Variants in ANKRD11 observed in about 807,000 individuals in gnomAD.
ANKRD11 encodes ankyrin repeat domain-containing protein 11.
A neutral mutation model predicts 195.7 loss-of-function variants in ANKRD11; 17 were observed. The ratio of observed to expected loss-of-function variants is 0.09; its 90% CI spans 0.06 to 0.13. ANKRD11 has a LOEUF of 0.13. ANKRD11 is among the 10% of genes least tolerant of loss of function. The pLI is 1.00. For missense variants in ANKRD11, 3,735 were observed against 3,566.1 expected (o/e 1.05, Z -1.21); for synonymous variants, 1,953 against 1,528.1 (o/e 1.28, Z -6.49).
At chr16:89,271,279 C>G (rs2033130675) in intron 11 of ANKRD11, 1 of 344,070 alleles carries the variant, frequency 2.9e-6, no homozygotes, top group Admixed American at 4.1e-5. Context: ...CGCTTGTTGC[C>G]CAGGCTGGAG....
chr16:89,280,823 G>A lies in ANKRD11; in HGVS notation c.5719C>T (p.Leu1907Phe), dbSNP rs1022384740. Reference sequence around the variant, plus strand: ...TCGGAGGTGTCCAGGTCCGGGGGAAGGGCCCCTTCGAGGGAAGGAACCAGC... The same window carrying A: ...TCGGAGGTGTCCAGGTCCGGGGGAAAGGCCCCTTCGAGGGAAGGAACCAGC... ...ELLVPSLEGA[L>F]PPDLDTSEDQ... Residue 1907 changes from leucine (L) to phenylalanine (F), a missense_variant, in exon 9 of 13, where the codon CTT (leucine) becomes TTT (phenylalanine). Leu to Phe is a conservative substitution (Grantham distance 22). Transcript: ENST00000301030. 1.2e-6 allele frequency: 2 copies of A among 1,602,112 alleles called. No homozygotes were observed. Among genetic ancestry groups the A allele is most frequent in the Non-Finnish European group, 1.7e-6 (2 of 1,170,946 alleles).
At chr16:89,489,285 G>A (rs1189016029) in intron 1 of ANKRD11, 2 of 152,248 alleles carry the variant, frequency 1.3e-5, no homozygotes, top group Non-Finnish European at 2.9e-5. Flanking sequence ...GCCCTGCCAG[G>A]GGATGATGAA....
intron 11 of ANKRD11, chr16:89,271,233 A>T: frequency 5.6e-6 from 2 of 355,708 alleles, no homozygotes; most frequent in Non-Finnish European, 1.0e-5. Flanking sequence ...AACTCCTGGG[A>T]GAGACTTTTT....
intron 11 of ANKRD11, 138 bp downstream of exon 11, chr16:89,274,676 C>T: frequency 1.5e-6 from 2 of 1,311,774 alleles, no homozygotes; most frequent in South Asian, 1.2e-5. Context: ...TAGAGGCATG[C>T]AAAGGACTCT....
chr16:89,280,353 C>G lies in ANKRD11; in HGVS notation c.6189G>C (p.Glu2063Asp), dbSNP rs758335433. ...GTGACTTGCAGTTGCTGAAGAAGGA[C>G]TCCAGCCCGGAGGGAGGGGCGTAGG... ...AAPYAPPSGL[E>D]SFFSNCKSLP... is the part of the protein sequence containing the mutation. Residue 2063 changes from glutamate to aspartate, a missense_variant, in exon 9 of 13, where the codon GAG (glutamate) becomes GAC (aspartate). Transcript: ENST00000301030. 13 of 1,572,926 alleles carry G rather than the reference C, an allele frequency of 8.3e-6. No homozygotes were observed. Among genetic ancestry groups the G allele is most frequent in the Non-Finnish European group, 1.1e-5 (13 of 1,159,748 alleles).
chr16:89,433,260 G>A (rs893606292), intron 1 of ANKRD11, among the ~76,000 whole-genome samples: 2 of 152,194 alleles, frequency 1.3e-5, no homozygotes, highest in Non-Finnish European at 2.9e-5. Flanking sequence ...ATGACTGGCC[G>A]GATCCTTTGG....
intron 2 of ANKRD11, among the ~76,000 whole-genome samples, chr16:89,334,160 A>C (rs1252997013): frequency 5.0e-5 from 7 of 141,074 alleles, no homozygotes; most frequent in East Asian, 2.2e-4. Flanking sequence ...AAAAAAAAAA[A>C]AAAAAAAAAA....
chr16:89,482,767 G>A (rs935871955), intron 1 of ANKRD11, among the ~76,000 whole-genome samples: 1 of 152,190 alleles, frequency 6.6e-6, no homozygotes, highest in African/African-American at 2.4e-5. Context: ...ACTCCAGCCT[G>A]GGCAACAGAG....
At chr16:89,476,374 C>T (rs1169308798) in intron 1 of ANKRD11, among the ~76,000 whole-genome samples, 2 of 152,176 alleles carry the variant, frequency 1.3e-5, no homozygotes, top group East Asian at 1.9e-4. Flanking sequence ...TTAACGTGTC[C>T]TATTATCCTC....
intron 1 of ANKRD11, among the ~76,000 whole-genome samples, chr16:89,465,998 C>T (rs2152341789): frequency 6.6e-6 from 1 of 152,284 alleles, no homozygotes; most frequent in Non-Finnish European, 1.5e-5. Context: ...GCGTGAGCCA[C>T]CGCGCCTGGC....
intron 2 of ANKRD11, among the ~76,000 whole-genome samples, chr16:89,346,183 G>C (rs1597727769): frequency 6.6e-6 from 1 of 150,956 alleles, no homozygotes; most frequent in East Asian, 1.9e-4. Flanking sequence ...CAGGAGGTGA[G>C]GTTGTAATGA....
intron 2 of ANKRD11, among the ~76,000 whole-genome samples, chr16:89,351,737 G>A (rs2039229421): frequency 6.6e-6 from 1 of 152,218 alleles, no homozygotes. Flanking sequence ...GGACGCAGAG[G>A]CTGCAGGGGG....
intron 1 of ANKRD11, among the ~76,000 whole-genome samples, chr16:89,419,467 A>G (rs1567779329): frequency 6.6e-6 from 1 of 151,608 alleles, no homozygotes; most frequent in Non-Finnish European, 1.5e-5. Context: ...AAAAAAAAAA[A>G]GGCAGCTGAA....
intron 1 of ANKRD11, among the ~76,000 whole-genome samples, chr16:89,441,561 A>G (rs1276618871): frequency 6.6e-6 from 1 of 152,024 alleles, no homozygotes; most frequent in Non-Finnish European, 1.5e-5. Flanking sequence ...AGGTCAGCAG[A>G]TGGAGACCAT....
intron 1 of ANKRD11, among the ~76,000 whole-genome samples, chr16:89,448,415 G>A (rs930456112): frequency 6.6e-6 from 1 of 152,168 alleles, no homozygotes; most frequent in African/African-American, 2.4e-5. Flanking sequence ...TGATCTGTCA[G>A]AATTCACACC....
At chr16:89,338,126 A>G (rs1489282088) in intron 2 of ANKRD11, among the ~76,000 whole-genome samples, 1 of 152,144 alleles carries the variant, frequency 6.6e-6, no homozygotes, top group Non-Finnish European at 1.5e-5. Flanking sequence ...GCCGCCCGTC[A>G]GGCTCCCAGG....
intron 2 of ANKRD11, among the ~76,000 whole-genome samples, chr16:89,385,050 T>C (rs2040849544): frequency 6.6e-6 from 1 of 151,786 alleles, no homozygotes; most frequent in Non-Finnish European, 1.5e-5. Flanking sequence ...CATGCCAGGC[T>C]AATTTTTGTA....
At chr16:89,439,535 T>C (rs1226748234) in intron 1 of ANKRD11, among the ~76,000 whole-genome samples, 1 of 152,228 alleles carries the variant, frequency 6.6e-6, no homozygotes, top group Non-Finnish European at 1.5e-5. Context: ...TCCAGGGATA[T>C]GGGTGAGAAA....
intron 1 of ANKRD11, among the ~76,000 whole-genome samples, chr16:89,449,705 A>C (rs577346197): frequency 1.3e-5 from 2 of 152,296 alleles, no homozygotes; most frequent in Admixed American, 6.5e-5. Context: ...AGGCAGGAGA[A>C]TCACTTGAAC....
Sources: allele counts gnomAD v4.1 joint callset (sites outside exome capture counted in the v4.1 genomes callset), GRCh38; gene constraint gnomAD v4.1.1; transcripts MANE v1.5; gene names NCBI Gene and HGNC (gene_info 2026-07-23, HGNC 2026-07-21).